The following MCTP2 variants were observed in gnomAD, a reference collection of about 807,000 sequenced individuals.
The protein encoded by MCTP2 is multiple C2 and transmembrane domain containing 2, also known as multiple C2 and transmembrane domain-containing protein 2.
MCTP2 carries 132 observed loss-of-function variants against 111.6 expected under a neutral mutation model. That is an observed-to-expected ratio of 1.18 (90% confidence interval 1.03 to 1.37). MCTP2 has a LOEUF of 1.37. MCTP2 is among the 40% of genes most tolerant of loss of function. The pLI, the probability that MCTP2 is intolerant of heterozygous loss-of-function variation, is 0.00. For missense variants in MCTP2, 1,183 were observed against 1,067.9 expected (o/e 1.11, Z -1.50); for synonymous variants, 395 against 387.7 (o/e 1.02, Z -0.22).
chr15:94,278,093 A>G (rs2074305473), intron 1 of MCTP2: 1 of 152,158 alleles, frequency 6.6e-6, no homozygotes, highest in African/African-American at 2.4e-5. Flanking sequence ...CAAATGCCCT[A>G]ATATTAATTT....
intron 17 of MCTP2, among the ~76,000 whole-genome samples, chr15:94,424,140 T>A (rs1017847417): frequency 6.6e-5 from 10 of 152,180 alleles, no homozygotes; most frequent in Non-Finnish European, 7.3e-5. Flanking sequence ...ATAAAAAAAA[T>A]TTATATCTTA....
chr15:94,247,205 TTTGA>T lies in MCTP2; in HGVS notation c.-66+15546_-66+15549del, dbSNP rs1423504592. ...ATTCATCTGTGGCAGCTTTTTCTCC[TTTGA>T]TTGAGACATTTGGATCAGTTCAGAG... On this transcript the variant is annotated intron_variant, in intron 1 of 22. Transcript: ENST00000357742. Among the ~76,000 whole-genome samples, 4 of 152,144 alleles carry T rather than the reference TTTGA, an allele frequency of 2.6e-5. No individual in the cohort carries two copies. In the East Asian group the frequency reaches 5.8e-4, roughly 22 times the overall value.
chr15:94,398,392 T>G (rs2081384690), intron 14 of MCTP2, among the ~76,000 whole-genome samples: 1 of 152,234 alleles, frequency 6.6e-6, no homozygotes, highest in African/African-American at 2.4e-5. Context: ...TTATCCAGTT[T>G]ATTCTAATGT....
intron 5 of MCTP2, 60 bp downstream of exon 5, chr15:94,339,492 C>T: frequency 6.9e-7 from 1 of 1,440,088 alleles, no homozygotes; most frequent in South Asian, 1.5e-5. Flanking sequence ...AGCAGTTTCT[C>T]ATGTCCTCTT....
intron 17 of MCTP2, among the ~76,000 whole-genome samples, chr15:94,403,667 T>G (rs780714750): frequency 1.3e-5 from 2 of 152,208 alleles, no homozygotes; most frequent in Non-Finnish European, 2.9e-5. Context: ...AGGGGACTTC[T>G]AAACAGGAAG....
chr15:94,416,382 A>C (rs1168749211), intron 17 of MCTP2, among the ~76,000 whole-genome samples: 1 of 151,930 alleles, frequency 6.6e-6, no homozygotes, highest in Non-Finnish European at 1.5e-5. Context: ...TGTCTTGAAG[A>C]CTCTGAGCAG....
At chr15:94,243,310 C>A (rs533413354) in intron 1 of MCTP2, among the ~76,000 whole-genome samples, 1 of 90,558 alleles carries the variant, frequency 1.1e-5, no homozygotes, top group African/African-American at 4.1e-5. Context: ...TACATACATA[C>A]GTATGCGTAC....
intron 19 of MCTP2, among the ~76,000 whole-genome samples, chr15:94,450,990 T>C (rs56911055): frequency 0.14 from 22,045 of 152,232 alleles, 1,746 homozygotes; most frequent in East Asian, 0.29. Context: ...ATTGCACCTA[T>C]GGTGCTATAC....
chr15:94,297,474 G>T lies in MCTP2; in HGVS notation c.-65-727G>T, dbSNP rs115269408. ...ACAAAACTCACATTTTTATAAATGT[G>T]TTTTGCTCTAATCACCTGTATGTGA... On this transcript the variant is annotated intron_variant, in intron 1 of 22. Coordinates refer to ENST00000357742, the MANE Select transcript of MCTP2 (RefSeq NM_001385001.1). Among the ~76,000 whole-genome samples the T allele has an allele frequency of 8.3e-3, 1,256 of 152,116 alleles. 29 individuals are homozygous for T. The highest frequency in any genetic ancestry group is 0.029 in the African/African-American group (1,205 of 41,482).
intron 1 of MCTP2, among the ~76,000 whole-genome samples, chr15:94,243,803 GTATA>G (rs1157186293): frequency 1.5e-4 from 21 of 143,708 alleles, no homozygotes; most frequent in African/African-American, 5.1e-4. Context: ...ACACATATGC[GTATA>G]TACATATATG....
In MCTP2 at chr15:94,286,265, C is replaced by G. The variant is rs1277683596; in HGVS notation, c.-65-11936C>G. The stretch of plus-strand genomic sequence containing the variant: ...TCTATTAAAGTGCAGAATAATCTGT[C>G]TATATAATTACATTTGCCTTTATCT... On this transcript the variant is annotated intron_variant, in intron 1 of 22. Coordinates refer to ENST00000357742, the MANE Select transcript of MCTP2 (RefSeq NM_001385001.1). Among the ~76,000 whole-genome samples, 7 of 152,268 alleles carry G rather than the reference C, an allele frequency of 4.6e-5. No individual in the cohort carries two copies. The East Asian group carries it at 9.6e-4, about 21-fold the overall frequency.
chr15:94,465,856 C>T (rs8037106), intron 20 of MCTP2, among the ~76,000 whole-genome samples: 5,236 of 135,802 alleles, frequency 0.039, 288 homozygotes, highest in African/African-American at 0.13. Flanking sequence ...GAGTTAACAG[C>T]GTTATGTGCC....
chr15:94,367,043 C>T (rs1035836469), intron 10 of MCTP2, among the ~76,000 whole-genome samples: 2 of 152,230 alleles, frequency 1.3e-5, no homozygotes, highest in African/African-American at 4.8e-5. Context: ...AGAAACCCAC[C>T]TGGGGAAACC....
intron 1 of MCTP2, among the ~76,000 whole-genome samples, chr15:94,257,119 A>G (rs754394011): frequency 6.6e-6 from 1 of 152,148 alleles, no homozygotes; most frequent in Non-Finnish European, 1.5e-5. Context: ...AGCAAGGAAC[A>G]TGTTCTGGCT....
intron 4 of MCTP2, among the ~76,000 whole-genome samples, chr15:94,326,689 T>C (rs897957107): frequency 3.3e-5 from 5 of 152,008 alleles, no homozygotes; most frequent in African/African-American, 1.2e-4. Flanking sequence ...TGCCTCAGCC[T>C]CCTGAGTAGC....
intron 1 of MCTP2, among the ~76,000 whole-genome samples, chr15:94,233,044 A>G (rs1049824914): frequency 1.3e-5 from 2 of 152,178 alleles, no homozygotes; most frequent in African/African-American, 4.8e-5. Context: ...CTGAGTGCAG[A>G]ACTCGTACTT....
intron 17 of MCTP2, among the ~76,000 whole-genome samples, chr15:94,435,974 T>A (rs2083457215): frequency 6.6e-6 from 1 of 152,110 alleles, no homozygotes; most frequent in Admixed American, 6.5e-5. Flanking sequence ...GGCATTTAAT[T>A]TTATTAGACT....
At chr15:94,380,564 T>G (rs1190095547) in intron 12 of MCTP2, among the ~76,000 whole-genome samples, 1 of 152,082 alleles carries the variant, frequency 6.6e-6, no homozygotes, top group Admixed American at 6.5e-5. Flanking sequence ...GGTCAGGAAT[T>G]TGAGACCAGC....
At chr15:94,288,057 CA>C (rs1313496837) in intron 1 of MCTP2, among the ~76,000 whole-genome samples, 1 of 152,104 alleles carries the variant, frequency 6.6e-6, no homozygotes, top group Non-Finnish European at 1.5e-5. Flanking sequence ...ACTGCAGAAG[CA>C]AAAATAATGG....
Sources: allele counts gnomAD v4.1 joint callset (sites outside exome capture counted in the v4.1 genomes callset), GRCh38; gene constraint gnomAD v4.1.1; transcripts MANE v1.5; gene names NCBI Gene and HGNC (gene_info 2026-07-23, HGNC 2026-07-21).